Variants in TCF12 observed in about 807,000 individuals in gnomAD.
TCF12 encodes DNA-binding protein HTF4.
In TCF12, 45 loss-of-function variants were observed where a neutral mutation model predicts 86.0. The ratio of observed to expected loss-of-function variants is 0.52; its 90% CI spans 0.41 to 0.67. The LOEUF is 0.67. Ranked by LOEUF, TCF12 falls within the 30% of genes least tolerant of loss-of-function variation. The pLI is 0.00. For synonymous variants in TCF12, 330 were observed against 299.6 expected (o/e 1.10, Z -1.05); for missense variants, 881 against 859.9 (o/e 1.02, Z -0.31).
chr15:57,136,966 T>TG (rs1567495532), intron 5 of TCF12, among the ~76,000 whole-genome samples: 55 of 21,894 alleles, frequency 2.5e-3, no homozygotes, highest in African/African-American at 0.016. Flanking sequence ...CAGTTTTTTT[T>TG]TTTGTTTTTT....
rs1441139503 is a variant in TCF12, at chr15:56,989,434, C to A, written c.148+68336C>A. 2.0e-5 allele frequency among the ~76,000 whole-genome samples: 3 copies of A among 152,156 alleles called. No individual in the cohort carries two copies. The East Asian group carries it at 5.8e-4, about 29-fold the overall frequency. ...CATTCTCTCCTTGCAGGACTTAAAA[C>A]AAAACAAACAAAACAAAAAAACCAG... On this transcript the variant is annotated intron_variant, in intron 3 of 20. Transcript: ENST00000333725.
intron 3 of TCF12, among the ~76,000 whole-genome samples, chr15:56,941,211 CA>C (rs2060756808): frequency 6.6e-6 from 1 of 151,222 alleles, no homozygotes; most frequent in South Asian, 2.1e-4. Context: ...CAAAAAAATA[CA>C]AAAATTAGCC....
intron 3 of TCF12, among the ~76,000 whole-genome samples, chr15:56,986,144 A>C (rs1300783208): frequency 6.6e-6 from 1 of 152,190 alleles, no homozygotes; most frequent in African/African-American, 2.4e-5. Context: ...ACAGTTTTAA[A>C]AAGACATAGC....
At chr15:57,158,737 A>G (rs184370350) in intron 5 of TCF12, among the ~76,000 whole-genome samples, 1 of 152,336 alleles carries the variant, frequency 6.6e-6, no homozygotes, top group East Asian at 1.9e-4. Context: ...CCTGTGGTTT[A>G]TCACTAATCT....
intron 5 of TCF12, among the ~76,000 whole-genome samples, chr15:57,159,243 G>A (rs547915953): frequency 6.6e-6 from 1 of 152,338 alleles, no homozygotes; most frequent in Non-Finnish European, 1.5e-5. Flanking sequence ...CAATGAGAGC[G>A]AAGCAAGAGC....
At chr15:56,951,507 C>CT (rs1303329667) in intron 3 of TCF12, among the ~76,000 whole-genome samples, 2 of 152,112 alleles carry the variant, frequency 1.3e-5, no homozygotes, top group Non-Finnish European at 2.9e-5. Flanking sequence ...TTTTCATTCT[C>CT]TAAACAGTGT....
intron 5 of TCF12, among the ~76,000 whole-genome samples, chr15:57,128,591 G>C (rs1359238461): frequency 6.6e-6 from 1 of 152,018 alleles, no homozygotes; most frequent in Non-Finnish European, 1.5e-5. Context: ...TACAATTCAA[G>C]GGTTTTTAGT....
intron 3 of TCF12, among the ~76,000 whole-genome samples, chr15:57,062,863 A>T (rs1247477609): frequency 6.6e-6 from 1 of 152,226 alleles, no homozygotes; most frequent in Non-Finnish European, 1.5e-5. Flanking sequence ...TCATAGAATG[A>T]AACTCAGAAG....
chr15:57,136,924 C>G (rs1183961407), intron 5 of TCF12, among the ~76,000 whole-genome samples: 1 of 139,552 alleles, frequency 7.2e-6, no homozygotes, highest in African/African-American at 2.6e-5. Context: ...ATGCTGGAAT[C>G]ACAGACAATA....
intron 3 of TCF12, among the ~76,000 whole-genome samples, chr15:57,031,862 C>T (rs2066213411): frequency 6.6e-6 from 1 of 152,144 alleles, no homozygotes; most frequent in South Asian, 2.1e-4. Flanking sequence ...AACTTAGTCC[C>T]AGGCAATCAC....
At chr15:57,217,623 C>A (rs1284711837) in intron 8 of TCF12, among the ~76,000 whole-genome samples, 1 of 152,102 alleles carries the variant, frequency 6.6e-6, no homozygotes, top group Non-Finnish European at 1.5e-5. Flanking sequence ...ATTGTCAGTG[C>A]TTTGTGGCTC....
Position 57,232,882 on chromosome 15 carries a change from T to A in TCF12, c.970+26T>A, listed in dbSNP as rs770884671. The A allele has an allele frequency of 4.6e-6, 7 of 1,509,714 alleles. No individual in the cohort carries two copies. In the South Asian group the frequency reaches 9.7e-5, roughly 21 times the overall value. 93.5% of individuals were successfully genotyped at this position (1,509,714 alleles called of 1,614,324 possible). A position where few individuals can be genotyped will look rare whatever the true frequency, so the allele number is the denominator to read the frequency against. On this transcript the variant is annotated intron_variant, in intron 11 of 20. Coordinates refer to ENST00000333725, the MANE Select transcript of TCF12 (RefSeq NM_207037.2). The stretch of plus-strand genomic sequence containing the variant: ...GTGAGCTTTTTGAGTTGGCAAAACT[T>A]CCTAAAAGTTTGTGGACTTTCAGTG...
chr15:57,188,976 A>T (rs1271179512), intron 6 of TCF12, among the ~76,000 whole-genome samples: 1 of 152,098 alleles, frequency 6.6e-6, no homozygotes, highest in Non-Finnish European at 1.5e-5. Flanking sequence ...TTTTGTAGAG[A>T]TGGGACCGCC....
chr15:57,102,024 A>G (rs2049793986), intron 5 of TCF12, among the ~76,000 whole-genome samples: 1 of 152,212 alleles, frequency 6.6e-6, no homozygotes, highest in Non-Finnish European at 1.5e-5. Flanking sequence ...TGATAATCGT[A>G]TAGGTACTTA....
At chr15:57,006,998 A>G (rs1828419465) in intron 3 of TCF12, among the ~76,000 whole-genome samples, 1 of 152,192 alleles carries the variant, frequency 6.6e-6, no homozygotes, top group Non-Finnish European at 1.5e-5. Flanking sequence ...CATGTTAACT[A>G]GATTTTTTTA....
intron 3 of TCF12, among the ~76,000 whole-genome samples, chr15:56,930,954 C>G (rs1405147770): frequency 6.6e-6 from 1 of 152,134 alleles, no homozygotes; most frequent in African/African-American, 2.4e-5. Context: ...TACCTATATA[C>G]TATGTTTCCT....
chr15:57,238,764 G>A (rs1288623154), intron 12 of TCF12, among the ~76,000 whole-genome samples: 1 of 152,136 alleles, frequency 6.6e-6, no homozygotes, highest in Non-Finnish European at 1.5e-5. Context: ...ATTCAATGTT[G>A]ACCAGTATAA....
chr15:57,202,194 A>T (rs72733906), intron 8 of TCF12, among the ~76,000 whole-genome samples: 8,403 of 152,256 alleles, frequency 0.055, 304 homozygotes, highest in Middle Eastern at 0.13. Flanking sequence ...CAAGATTACA[A>T]CCTAACTTAA....
chr15:57,014,701 A>G (rs2141195304), intron 3 of TCF12, among the ~76,000 whole-genome samples: 2 of 152,194 alleles, frequency 1.3e-5, no homozygotes, highest in Middle Eastern at 6.8e-3. Flanking sequence ...TAGGGGATTA[A>G]GAATTATTTC....
Sources: allele counts gnomAD v4.1 joint callset (sites outside exome capture counted in the v4.1 genomes callset), GRCh38; gene constraint gnomAD v4.1.1; transcripts MANE v1.5; gene names NCBI Gene and HGNC (gene_info 2026-07-23, HGNC 2026-07-21).